ME1: variants seen among roughly 807,000 people sequenced by gnomAD.
ME1 encodes the protein malic enzyme 1.
Under a neutral mutation model 66.4 loss-of-function variants are expected in ME1, and 74 were observed. The ratio of observed to expected loss-of-function variants is 1.11; its 90% CI spans 0.92 to 1.35. The LOEUF (loss-of-function observed/expected upper bound fraction) is 1.35. ME1 is among the 40% of genes most tolerant of loss of function. The pLI is 0.00. For missense variants in ME1, 750 were observed against 694.1 expected (o/e 1.08, Z -0.90); for synonymous variants, 251 against 235.6 (o/e 1.07, Z -0.60).
At chr6:83,405,935 A>G (rs1012437859) in intron 2 of ME1, among the ~76,000 whole-genome samples, 2 of 151,926 alleles carry the variant, frequency 1.3e-5, no homozygotes, top group Non-Finnish European at 2.9e-5. Context: ...TTTAGCCGGG[A>G]TGGTCTCGAT....
intron 5 of ME1, among the ~76,000 whole-genome samples, chr6:83,332,032 T>A (rs1283870176): frequency 1.3e-5 from 2 of 152,302 alleles, no homozygotes; most frequent in East Asian, 3.9e-4. Context: ...AAACATGACA[T>A]GTTCTAAAGA....
intron 1 of ME1, among the ~76,000 whole-genome samples, chr6:83,410,127 C>A (rs937130885): frequency 1.3e-5 from 2 of 152,046 alleles, no homozygotes; most frequent in Non-Finnish European, 2.9e-5. Flanking sequence ...CTCCACGGGG[C>A]CACAGAATTT....
chr6:83,254,135 T>C (rs922169512), intron 6 of ME1, among the ~76,000 whole-genome samples: 3 of 152,164 alleles, frequency 2.0e-5, no homozygotes, highest in African/African-American at 7.2e-5. Context: ...TTTTAATGAA[T>C]AGTTATAATT....
rs141951021 is a variant in ME1, at chr6:83,346,160, G to T, written c.600+13C>A. 25 of 1,589,730 alleles carry T rather than the reference G, an allele frequency of 1.6e-5. No individual in the cohort carries two copies. In the South Asian group the frequency reaches 2.9e-4, roughly 18 times the overall value. Reference sequence around the variant, plus strand: ...AAAGGTACATAGCTGCCTTATAGACGTAAATTATTTACCTCATTTTCGGTT... The same window carrying T: ...AAAGGTACATAGCTGCCTTATAGACTTAAATTATTTACCTCATTTTCGGTT... On this transcript the variant is annotated intron_variant, in intron 5 of 13. Transcript: ENST00000369705.
intron 3 of ME1, among the ~76,000 whole-genome samples, chr6:83,379,147 T>C (rs1028768716): frequency 2.6e-5 from 4 of 152,142 alleles, no homozygotes; most frequent in African/African-American, 9.6e-5. Context: ...GAAACCATAC[T>C]ACCATCTCCA....
chr6:83,408,672 A>G (rs1769991701), intron 1 of ME1, among the ~76,000 whole-genome samples: 1 of 152,264 alleles, frequency 6.6e-6, no homozygotes, highest in Admixed American at 6.5e-5. Flanking sequence ...TTGATGCATA[A>G]ACCATAATGG....
intron 12 of ME1, among the ~76,000 whole-genome samples, chr6:83,220,640 T>A (rs1207329953): frequency 1.3e-5 from 2 of 152,220 alleles, no homozygotes; most frequent in African/African-American, 4.8e-5. Flanking sequence ...GTTACTTTTG[T>A]TAACTACAAA....
At chr6:83,241,494 C>T (rs1790508692) in intron 7 of ME1, among the ~76,000 whole-genome samples, 1 of 152,062 alleles carries the variant, frequency 6.6e-6, no homozygotes, top group African/African-American at 2.4e-5. Flanking sequence ...TGCTAGATCA[C>T]TTAAAACTCA....
At position 83,294,172 on chromosome 6, in the gene ME1, T is replaced by C. The variant is rs573161653; in HGVS notation, c.704+21138A>G. ...CCACTGAAATACATGCACAATACTT[T>C]TCCAAAAACACTGGACAAATATACA... is the stretch of plus-strand genomic sequence containing the variant. On this transcript the variant is annotated intron_variant, in intron 6 of 13. Coordinates refer to ENST00000369705, the MANE Select transcript of ME1 (RefSeq NM_002395.6). 3.9e-5 allele frequency among the ~76,000 whole-genome samples: 6 copies of C among 152,328 alleles called. No individual in the cohort carries two copies. The South Asian group carries it at 1.2e-3, about 32-fold the overall frequency.
intron 1 of ME1, among the ~76,000 whole-genome samples, chr6:83,412,469 CTAA>C (rs1457827749): frequency 6.6e-6 from 1 of 151,932 alleles, no homozygotes. Flanking sequence ...GATTAACTAA[CTAA>C]TGATTAATTA....
chr6:83,301,955 C>A (rs1218042614), intron 6 of ME1, among the ~76,000 whole-genome samples: 1 of 151,998 alleles, frequency 6.6e-6, no homozygotes, highest in African/African-American at 2.4e-5. Flanking sequence ...TGTATGTACC[C>A]AAAAGAATAT....
intron 11 of ME1, 93 bp from the exon 12 acceptor site, chr6:83,224,026 TA>T (rs1790141918): frequency 7.2e-6 from 8 of 1,118,680 alleles, no homozygotes; most frequent in Admixed American, 2.6e-5. Flanking sequence ...GCCTAAATTA[TA>T]AGTACTTAGA....
At chr6:83,225,333 T>G (rs757627177) in intron 11 of ME1, among the ~76,000 whole-genome samples, 1 of 151,824 alleles carries the variant, frequency 6.6e-6, no homozygotes, top group Non-Finnish European at 1.5e-5. Flanking sequence ...GTATTTAGGC[T>G]TCAAAGTAGG....
At chr6:83,421,518 G>A (rs893480450) in intron 1 of ME1, among the ~76,000 whole-genome samples, 1 of 152,172 alleles carries the variant, frequency 6.6e-6, no homozygotes, top group Admixed American at 6.6e-5. Flanking sequence ...GATAGCAGAA[G>A]AACTAAGGAA....
intron 12 of ME1, among the ~76,000 whole-genome samples, chr6:83,221,531 G>C (rs1326020160): frequency 6.6e-6 from 1 of 152,132 alleles, no homozygotes; most frequent in Non-Finnish European, 1.5e-5. Context: ...TGCTTGGAAA[G>C]GGGGTATCAC....
intron 6 of ME1, among the ~76,000 whole-genome samples, chr6:83,275,505 G>T (rs1386835040): frequency 8.8e-6 from 1 of 114,198 alleles, no homozygotes; most frequent in Non-Finnish European, 1.7e-5. Context: ...TTGCTCTGTC[G>T]CCCAGGCTGG....
chr6:83,232,579 T>TA (rs1310539209), intron 9 of ME1, among the ~76,000 whole-genome samples: 1 of 152,064 alleles, frequency 6.6e-6, no homozygotes, highest in African/African-American at 2.4e-5. Flanking sequence ...CTATTTGAAA[T>TA]AAAAAAGAGG....
At chr6:83,293,385 C>T (rs967378737) in intron 6 of ME1, among the ~76,000 whole-genome samples, 3 of 152,140 alleles carry the variant, frequency 2.0e-5, no homozygotes, top group Admixed American at 1.3e-4. Context: ...AAAACTGAAA[C>T]TCTATACTCA....
chr6:83,368,196 T>A (rs978086233), intron 3 of ME1, among the ~76,000 whole-genome samples: 8 of 151,818 alleles, frequency 5.3e-5, no homozygotes, highest in Non-Finnish European at 8.8e-5. Context: ...ACATCAAAGA[T>A]CTGATTACAG....
Sources: gnomAD v4.1 joint callset for allele counts (sites outside exome capture counted in the v4.1 genomes callset) on GRCh38, gnomAD v4.1.1 for gene constraint, MANE v1.5 for transcripts, NCBI Gene and HGNC (gene_info 2026-07-23, HGNC 2026-07-21) for gene names.